The following CES5A variants were observed in gnomAD, a reference collection of about 807,000 sequenced individuals.
CES5A encodes the protein carboxylesterase 5.
Under a neutral mutation model 62.9 loss-of-function variants are expected in CES5A, and 67 were observed. The ratio of observed to expected loss-of-function variants is 1.07; its 90% CI spans 0.88 to 1.31. The LOEUF is 1.31. CES5A is among the 50% of genes most tolerant of loss of function. CES5A has a pLI of 0.00. For missense variants in CES5A, 748 were observed against 708.5 expected, an observed-to-expected ratio of 1.06 and a Z score of -0.63; for synonymous variants, 296 against 280.8, an observed-to-expected ratio of 1.05 and a Z score of -0.54.
chr16:55,910,673 A>G (rs1405751038), intron 1 of CES5A, among the ~76,000 whole-genome samples: 1 of 152,230 alleles, frequency 6.6e-6, no homozygotes, highest in Non-Finnish European at 1.5e-5. Context: ...GGGGAAAGCT[A>G]AGCTGCAGAA....
At chr16:55,921,287 C>T (rs1423414965) in intron 1 of CES5A, among the ~76,000 whole-genome samples, 1 of 151,890 alleles carries the variant, frequency 6.6e-6, no homozygotes, top group East Asian at 1.9e-4. Context: ...AGATCTGACC[C>T]GAGTGAGACT....
At chr16:55,934,817 T>A (rs1169498659) in intron 2 of CES5A, among the ~76,000 whole-genome samples, 1 of 152,242 alleles carries the variant, frequency 6.6e-6, no homozygotes, top group African/African-American at 2.4e-5. Context: ...AGAGAGCCCA[T>A]GTGTAGCTCC....
chr16:55,935,944 G>A (rs776421817), intron 2 of CES5A, among the ~76,000 whole-genome samples: 5 of 152,162 alleles, frequency 3.3e-5, no homozygotes, highest in Non-Finnish European at 5.9e-5. Flanking sequence ...TAAAAACATT[G>A]AGTCAAAGAG....
chr16:55,846,640 A>G lies in CES5A; in HGVS notation c.1539T>C (p.Asn513=). ...CCAGCTGGAGGTACTGCTCAGTCAG[A>G]TTATAAGCTGGCCACAGAGACAGGT... ...GNDLSLWPAY[N]LTEQYLQLDL... Residue 513 remains asparagine, a synonymous_variant, in exon 13 of 13, where the codon AAT becomes AAC. Coordinates refer to ENST00000290567, the MANE Select transcript of CES5A (RefSeq NM_001143685.2). 1 of 1,614,140 alleles carries G rather than the reference A, an allele frequency of 6.2e-7. No individual in the cohort carries two copies. Among genetic ancestry groups the G allele is most frequent in the Non-Finnish European group, 8.5e-7 (1 of 1,180,014 alleles).
Position 55,846,637 on chromosome 16 carries a change from C to T in CES5A, c.1542G>A (p.Leu514=), listed in dbSNP as rs761384775. The stretch of plus-strand genomic sequence containing the variant: ...AGTCCAGCTGGAGGTACTGCTCAGT[C>T]AGATTATAAGCTGGCCACAGAGACA... ...NDLSLWPAYN[L]TEQYLQLDLN... Residue 514 remains leucine (L), a synonymous_variant, in exon 13 of 13, where the codon CTG becomes CTA. Transcript: ENST00000290567. 5 of 1,614,112 alleles carry T rather than the reference C, an allele frequency of 3.1e-6. No individual in the cohort carries two copies. Among genetic ancestry groups the T allele is most frequent in the Non-Finnish European group, 3.4e-6 (4 of 1,180,024 alleles).
rs1258172941 is a variant in CES5A, at chr16:55,854,166, C to G, written c.1126-1138G>C. ...CATAGGACAGTCAGCGTGCAAAATC[C>G]TAGGGTTCTGGGGTAAGACTATGAC... On this transcript the variant is annotated intron_variant, in intron 9 of 12. Coordinates refer to ENST00000290567, the MANE Select transcript of CES5A (RefSeq NM_001143685.2). 9.9e-5 allele frequency among the ~76,000 whole-genome samples: 15 copies of G among 152,146 alleles called. 1 individual carries two copies. Among genetic ancestry groups the G allele is most frequent in the Non-Finnish European group, 2.9e-5 (2 of 68,012 alleles).
chr16:55,928,198 G>C (rs1214773506), upstream of CES5A, among the ~76,000 whole-genome samples: 2 of 151,870 alleles, frequency 1.3e-5, no homozygotes, highest in East Asian at 1.9e-4. Flanking sequence ...AGCCAAGATC[G>C]AGCCACTGCA....
At chr16:55,848,629 C>T (rs1366400854) in intron 11 of CES5A, among the ~76,000 whole-genome samples, 14 of 152,048 alleles carry the variant, frequency 9.2e-5, no homozygotes, top group African/African-American at 2.2e-4. Flanking sequence ...TTTTCTTTTC[C>T]GTGAACTATC....
At chr16:55,954,596 C>T (rs6499812) in intron 1 of CES5A, among the ~76,000 whole-genome samples, 17,605 of 152,188 alleles carry the variant, frequency 0.12, 1,316 homozygotes, top group Non-Finnish European at 0.16. Flanking sequence ...CTGTCACCAT[C>T]TCAAGGAAAA....
intron 2 of CES5A, among the ~76,000 whole-genome samples, chr16:55,946,986 G>A (rs949540312): frequency 1.8e-4 from 27 of 152,144 alleles, no homozygotes; most frequent in African/African-American, 6.0e-4. Flanking sequence ...AGAGCAAAGG[G>A]CAATGACATA....
Position 55,861,503 on chromosome 16 carries a change from G to A in CES5A, c.824C>T (p.Ala275Val). Residue 275 changes from alanine to valine, a missense_variant, in exon 7 of 13, where the codon GCA (alanine) becomes GTA (valine). Transcript: ENST00000290567. ...YEKSEDLQVV[A>V]HFCGNNASDS... ...TGACGCATTGTTACCACAGAAATGT[G>A]CAACCACCTGCAGCTATTTTGTAGA... The A allele has an allele frequency of 6.2e-7, 1 of 1,611,034 alleles. No individual in the cohort carries two copies. Among genetic ancestry groups the A allele is most frequent in the Non-Finnish European group, 8.5e-7 (1 of 1,177,198 alleles).
chr16:55,950,131 A>G (rs1048850914), intron 1 of CES5A, among the ~76,000 whole-genome samples: 1 of 152,132 alleles, frequency 6.6e-6, no homozygotes. Flanking sequence ...ACCACATCCC[A>G]ATAGCACAAA....
At chr16:55,919,875 C>T (rs924536489) in intron 1 of CES5A, among the ~76,000 whole-genome samples, 1 of 152,148 alleles carries the variant, frequency 6.6e-6, no homozygotes, top group Non-Finnish European at 1.5e-5. Context: ...GAGTTAAATA[C>T]AGTGTGTCCT....
rs1597125876 is a variant in CES5A at position 55,871,617 on chromosome 16, A to G, written c.417+8T>C. 2 of 1,613,908 alleles carry G rather than the reference A, an allele frequency of 1.2e-6. No individual in the cohort carries two copies. Among genetic ancestry groups the G allele is most frequent in the Non-Finnish European group, 1.7e-6 (2 of 1,179,962 alleles). On this transcript the variant is annotated splice_region_variant and intron_variant, in intron 3 of 12. Coordinates refer to ENST00000290567, the MANE Select transcript of CES5A (RefSeq NM_001143685.2). ...CTAGAGCCCGAAGCACACAGCAGGC[A>G]GCCTTACGGGGAGCTTGGAGCCTGT...
intron 1 of CES5A, among the ~76,000 whole-genome samples, chr16:55,897,059 C>T (rs2033941673): frequency 6.6e-6 from 1 of 151,996 alleles, no homozygotes; most frequent in African/African-American, 2.4e-5. Flanking sequence ...CCCATCCCCG[C>T]ATCCCCCCCA....
intron 1 of CES5A, among the ~76,000 whole-genome samples, chr16:55,903,613 T>G (rs1209944763): frequency 6.6e-6 from 1 of 152,184 alleles, no homozygotes; most frequent in East Asian, 1.9e-4. Flanking sequence ...TCTCAGAGAC[T>G]AATAAGGAAG....
At chr16:55,935,993 T>A (rs1287506367) in intron 2 of CES5A, among the ~76,000 whole-genome samples, 11 of 152,178 alleles carry the variant, frequency 7.2e-5, no homozygotes, top group Admixed American at 5.2e-4. Flanking sequence ...GCTGCCAATA[T>A]TCCAATCTGT....
chr16:55,954,670 T>C (rs1486145096), intron 1 of CES5A, among the ~76,000 whole-genome samples: 2 of 152,096 alleles, frequency 1.3e-5, no homozygotes, highest in African/African-American at 2.4e-5. Context: ...GTGTGGAACC[T>C]CAGCCAGCCA....
intron 1 of CES5A, among the ~76,000 whole-genome samples, chr16:55,880,454 C>G (rs2033749923): frequency 6.6e-6 from 1 of 152,174 alleles, no homozygotes; most frequent in Non-Finnish European, 1.5e-5. Flanking sequence ...ACCCCCTCGT[C>G]TCACCTTCCC....
Sources: allele counts gnomAD v4.1 joint callset (sites outside exome capture counted in the v4.1 genomes callset), GRCh38; gene constraint gnomAD v4.1.1; transcripts MANE v1.5; gene names NCBI Gene and HGNC (gene_info 2026-07-23, HGNC 2026-07-21).